OXR1: variants seen among roughly 807,000 people sequenced by gnomAD.
OXR1 encodes the protein oxidation resistance protein 1.
OXR1 carries 41 observed loss-of-function variants against 104.6 expected under a neutral mutation model. That is an observed-to-expected ratio of 0.39 (90% confidence interval 0.31 to 0.51). OXR1 has a LOEUF of 0.51. OXR1 is among the 20% of genes least tolerant of loss of function. The probability of loss-of-function intolerance (pLI) is 0.77; values close to 1 mark genes in which losing one functional copy is unlikely to be tolerated. For missense variants in OXR1, 955 were observed against 1,031.9 expected (o/e 0.93, Z 1.02); for synonymous variants, 348 against 348.4 (o/e 1.00, Z 0.01).
chr8:106,343,670 C>T (rs565524553), intron 1 of OXR1, among the ~76,000 whole-genome samples: 1 of 152,276 alleles, frequency 6.6e-6, no homozygotes, highest in South Asian at 2.1e-4. Context: ...TGGCCTGTAT[C>T]CAAGCCACAT....
chr8:106,336,069 C>A (rs1020359326), intron 1 of OXR1, among the ~76,000 whole-genome samples: 1 of 152,110 alleles, frequency 6.6e-6, no homozygotes, highest in Non-Finnish European at 1.5e-5. Flanking sequence ...GCACTCCAGT[C>A]TGAGCGACAG....
At chr8:106,672,802 G>A (rs941567122) in intron 3 of OXR1, among the ~76,000 whole-genome samples, 4 of 152,096 alleles carry the variant, frequency 2.6e-5, no homozygotes, top group African/African-American at 9.7e-5. Flanking sequence ...TTTTATAAGT[G>A]TTTGATAATT....
chr8:106,341,290 A>T (rs961098134), intron 1 of OXR1, among the ~76,000 whole-genome samples: 2 of 152,002 alleles, frequency 1.3e-5, no homozygotes, highest in Non-Finnish European at 2.9e-5. Context: ...GGTTAATGAG[A>T]CTTGAATAAG....
chr8:106,346,900 G>A (rs997745409), intron 1 of OXR1, among the ~76,000 whole-genome samples: 2 of 152,126 alleles, frequency 1.3e-5, no homozygotes, highest in Non-Finnish European at 2.9e-5. Flanking sequence ...AAAATTAGCC[G>A]GGCGTGGTGG....
intron 3 of OXR1, among the ~76,000 whole-genome samples, chr8:106,588,387 G>A (rs889717613): frequency 7.4e-4 from 113 of 152,122 alleles, no homozygotes; most frequent in Non-Finnish European, 1.0e-4. Flanking sequence ...GGTTAACTGA[G>A]CACTGAAGCT....
intron 3 of OXR1, among the ~76,000 whole-genome samples, chr8:106,662,018 C>T (rs931660445): frequency 6.6e-6 from 1 of 152,130 alleles, no homozygotes; most frequent in Non-Finnish European, 1.5e-5. Flanking sequence ...TTTTTGGCCC[C>T]TTAGTGGGAG....
intron 3 of OXR1, among the ~76,000 whole-genome samples, chr8:106,523,183 T>C (rs1483443124): frequency 2.6e-5 from 4 of 152,186 alleles, no homozygotes; most frequent in Non-Finnish European, 5.9e-5. Flanking sequence ...TCACATCAAA[T>C]CTATTTCATT....
intron 2 of OXR1, among the ~76,000 whole-genome samples, chr8:106,457,159 A>G (rs539335019): frequency 6.6e-4 from 101 of 152,280 alleles, no homozygotes; most frequent in African/African-American, 2.4e-3. Context: ...GGTGTGCACA[A>G]TAATTACTTT....
intron 2 of OXR1, among the ~76,000 whole-genome samples, chr8:106,498,881 G>GTTTAAATGTTATATCCT (rs1586724963): frequency 2.4e-5 from 2 of 84,962 alleles, no homozygotes; most frequent in South Asian, 3.0e-4. Context: ...ATTAGGAGAT[G>GTTTAAATGTTATATCCT]GCCGGGCGCG....
At chr8:106,534,449 GT>G (rs1238249891) in intron 3 of OXR1, among the ~76,000 whole-genome samples, 1 of 152,138 alleles carries the variant, frequency 6.6e-6, no homozygotes, top group Non-Finnish European at 1.5e-5. Context: ...CATCCCTGTA[GT>G]TTTTATACTA....
In OXR1 at chr8:106,707,052, A is replaced by G. The variant is rs1287372236; in HGVS notation, c.1531A>G (p.Met511Val). 1.9e-6 allele frequency: 3 copies of G among 1,613,960 alleles called. No homozygotes were observed. Among genetic ancestry groups the G allele is most frequent in the Admixed American group, 3.3e-5 (2 of 59,934 alleles). Residue 511 changes from methionine (M) to valine (V), a missense_variant, in exon 9 of 17, where the codon ATG becomes GTG. Met to Val is a conservative substitution (Grantham distance 21). Coordinates refer to ENST00000517566, the MANE Select transcript of OXR1 (RefSeq NM_001198533.2). ...ACGCAAACTTTGGAAAACCCATACT[A>G]TGCAACAAACTAAACAGCAAAGGGA... ...ELRKLWKTHT[M>V]QQTKQQRENI... is the part of the protein sequence containing the mutation.
rs773528860 is a variant in OXR1, at chr8:106,726,313, A to T, written c.1957-11207A>T. 47 of 1,425,254 alleles carry T rather than the reference A, an allele frequency of 3.3e-5. No individual in the cohort carries two copies. The South Asian group carries it at 5.5e-4, about 17-fold the overall frequency. The allele number at this position is 1,425,254 out of a possible 1,614,324, so 88.3% of individuals were successfully genotyped here. On this transcript the variant is annotated intron_variant, in intron 11 of 16. Transcript: ENST00000517566. ...AATTAATCATAAATACACTCTGGTAAATCTTAGTCAATTATTTTAATTTGT... is the reference window on the plus strand; with the variant it reads ...AATTAATCATAAATACACTCTGGTATATCTTAGTCAATTATTTTAATTTGT...
At chr8:106,449,972 A>G (rs1040473919) in intron 2 of OXR1, among the ~76,000 whole-genome samples, 5 of 152,150 alleles carry the variant, frequency 3.3e-5, no homozygotes, top group African/African-American at 1.2e-4. Flanking sequence ...CAATATAAAC[A>G]TTACTCTGAA....
chr8:106,706,709 T>C lies in OXR1; in HGVS notation c.1188T>C (p.Ser396=). Residue 396 remains serine, a synonymous_variant, in exon 9 of 17, where the codon TCT becomes TCC. Coordinates refer to ENST00000517566, the MANE Select transcript of OXR1 (RefSeq NM_001198533.2). The part of the protein sequence containing the change: ...ESTGTPGHLR[S]DTEHSTNEVG... ...CTGGTACTCCTGGTCACTTAAGATC[T>C]GATACTGAACATTCTACAAATGAAG... is the stretch of plus-strand genomic sequence containing the variant. 2 of 1,612,058 alleles carry C rather than the reference T, an allele frequency of 1.2e-6. No individual in the cohort carries two copies. Among genetic ancestry groups the C allele is most frequent in the Non-Finnish European group, 1.7e-6 (2 of 1,179,308 alleles).
chr8:106,505,269 C>A (rs925104404), intron 2 of OXR1, among the ~76,000 whole-genome samples: 1 of 152,184 alleles, frequency 6.6e-6, no homozygotes. Flanking sequence ...TGTATGAAGA[C>A]AGGTGTGAAG....
intron 3 of OXR1, among the ~76,000 whole-genome samples, chr8:106,524,916 C>T (rs1308662224): frequency 1.3e-5 from 2 of 152,162 alleles, no homozygotes; most frequent in Non-Finnish European, 2.9e-5. Flanking sequence ...ACACCCTCAC[C>T]ATCCTCCTCT....
chr8:106,353,704 T>C (rs1419646388), intron 1 of OXR1, among the ~76,000 whole-genome samples: 1 of 152,164 alleles, frequency 6.6e-6, no homozygotes, highest in African/African-American at 2.4e-5. Flanking sequence ...CTAATGAACA[T>C]GTCCATTACC....
chr8:106,569,036 C>T (rs1817279174), intron 3 of OXR1, among the ~76,000 whole-genome samples: 1 of 152,088 alleles, frequency 6.6e-6, no homozygotes, highest in African/African-American at 2.4e-5. Context: ...AGGGTACGTA[C>T]TGGATACCCT....
chr8:106,543,478 C>G (rs1355269663), intron 3 of OXR1, among the ~76,000 whole-genome samples: 1 of 152,100 alleles, frequency 6.6e-6, no homozygotes, highest in Non-Finnish European at 1.5e-5. Context: ...AAGCTACTGC[C>G]TTCCTTCCTT....
Sources: gnomAD v4.1 joint callset for allele counts (sites outside exome capture counted in the v4.1 genomes callset) on GRCh38, gnomAD v4.1.1 for gene constraint, MANE v1.5 for transcripts, NCBI Gene and HGNC (gene_info 2026-07-23, HGNC 2026-07-21) for gene names.